Variants in MAGI1 observed in about 807,000 individuals in gnomAD.
The protein encoded by MAGI1 is membrane associated guanylate kinase, WW and PDZ domain containing 1, also known as membrane-associated guanylate kinase, WW and PDZ domain-containing protein 1.
MAGI1 carries 58 observed loss-of-function variants against 139.9 expected under a neutral mutation model. The observed-to-expected ratio is 0.41, with a 90% CI of 0.34 to 0.52. The LOEUF (loss-of-function observed/expected upper bound fraction) is 0.52, where lower values mean the gene tolerates loss of function less well. Ranked by LOEUF, MAGI1 falls within the 20% of genes least tolerant of loss-of-function variation. The probability of loss-of-function intolerance (pLI) is 0.12; values close to 1 mark genes in which losing one functional copy is unlikely to be tolerated. For synonymous variants in MAGI1, 812 were observed against 737.9 expected, an observed-to-expected ratio of 1.10 and a Z score of -1.63; for missense variants, 1,874 against 1,901.6, an observed-to-expected ratio of 0.99 and a Z score of 0.27.
chr3:65,710,274 T>C (rs1214047437), intron 1 of MAGI1, among the ~76,000 whole-genome samples: 3 of 134,596 alleles, frequency 2.2e-5, no homozygotes, highest in Non-Finnish European at 4.7e-5. Flanking sequence ...CATTTCTTTT[T>C]TTTTTTTTTT....
At chr3:65,445,653 A>G (rs1467921562) in intron 7 of MAGI1, among the ~76,000 whole-genome samples, 1 of 152,186 alleles carries the variant, frequency 6.6e-6, no homozygotes, top group African/African-American at 2.4e-5. Context: ...CTATAATTCC[A>G]AAAGAAGGTT....
At chr3:65,664,225 G>GA (rs2086372765) in intron 1 of MAGI1, among the ~76,000 whole-genome samples, 1 of 152,054 alleles carries the variant, frequency 6.6e-6, no homozygotes, top group African/African-American at 2.4e-5. Flanking sequence ...TGTATTTCAT[G>GA]AAAAACAAAA....
intron 1 of MAGI1, among the ~76,000 whole-genome samples, chr3:65,847,839 T>C (rs1321417771): frequency 6.6e-6 from 1 of 152,246 alleles, no homozygotes; most frequent in African/African-American, 2.4e-5. Flanking sequence ...CTAAGGAATT[T>C]GTCTCACGTC....
At chr3:65,619,586 C>T (rs2083560168) in intron 2 of MAGI1, among the ~76,000 whole-genome samples, 1 of 152,292 alleles carries the variant, frequency 6.6e-6, no homozygotes, top group Non-Finnish European at 1.5e-5. Flanking sequence ...ACAGTTACAT[C>T]ATCATCAAGA....
chr3:65,696,102 T>C (rs1047950122), intron 1 of MAGI1, among the ~76,000 whole-genome samples: 2 of 152,306 alleles, frequency 1.3e-5, no homozygotes, highest in Admixed American at 1.3e-4. Flanking sequence ...CTGGCGTCTT[T>C]ACTATTCTAC....
chr3:65,453,408 C>G, intron 5 of MAGI1, 68 bp from the exon 6 acceptor site: 8 of 1,104,280 alleles, frequency 7.2e-6, no homozygotes, highest in African/African-American at 1.6e-5. Flanking sequence ...AGCCCAATGA[C>G]GGAATTACAC....
At chr3:65,625,675 G>A (rs557655785) in intron 1 of MAGI1, among the ~76,000 whole-genome samples, 16 of 152,274 alleles carry the variant, frequency 1.1e-4, no homozygotes, top group African/African-American at 3.8e-4. Flanking sequence ...CGATTATTGA[G>A]GTGAGGGGGC....
intron 1 of MAGI1, among the ~76,000 whole-genome samples, chr3:65,852,094 C>A (rs1030312659): frequency 1.3e-5 from 2 of 152,280 alleles, no homozygotes; most frequent in East Asian, 3.9e-4. Flanking sequence ...ACTTGTCAAA[C>A]CAGGAAGATA....
chr3:65,933,498 A>G (rs2062900067), intron 1 of MAGI1, among the ~76,000 whole-genome samples: 1 of 152,228 alleles, frequency 6.6e-6, no homozygotes, highest in South Asian at 2.1e-4. Context: ...CCAAGAAAGC[A>G]AGGCAGAAGC....
At chr3:65,606,830 G>A (rs529184973) in intron 2 of MAGI1, among the ~76,000 whole-genome samples, 1 of 151,908 alleles carries the variant, frequency 6.6e-6, no homozygotes, top group Non-Finnish European at 1.5e-5. Flanking sequence ...GCTAATTTTT[G>A]TATTTTTTGT....
chr3:65,474,696 GA>G (rs1950767196), intron 4 of MAGI1, among the ~76,000 whole-genome samples: 1 of 152,058 alleles, frequency 6.6e-6, no homozygotes, highest in Non-Finnish European at 1.5e-5. Context: ...CCAAGTCAAA[GA>G]AGATTTCTGA....
chr3:65,728,633 C>A (rs980143999), intron 1 of MAGI1, among the ~76,000 whole-genome samples: 1 of 152,142 alleles, frequency 6.6e-6, no homozygotes, highest in Non-Finnish European at 1.5e-5. Context: ...AGCAGGTGTT[C>A]TGTGGCACAG....
chr3:65,921,080 G>A (rs547502876), intron 1 of MAGI1, among the ~76,000 whole-genome samples: 3 of 151,640 alleles, frequency 2.0e-5, no homozygotes, highest in East Asian at 3.9e-4. Flanking sequence ...TACAATTGAC[G>A]CTACTGCCAA....
At chr3:65,486,130 G>C (rs1951617592) in intron 3 of MAGI1, among the ~76,000 whole-genome samples, 1 of 152,102 alleles carries the variant, frequency 6.6e-6, no homozygotes, top group Non-Finnish European at 1.5e-5. Flanking sequence ...TTTTATCTCT[G>C]TGTCCCCAAA....
intron 13 of MAGI1, among the ~76,000 whole-genome samples, chr3:65,399,042 C>T (rs920278106): frequency 2.0e-5 from 3 of 151,972 alleles, no homozygotes; most frequent in Admixed American, 6.6e-5. Flanking sequence ...AGCTGCCAAT[C>T]ACATGAGCAA....
At chr3:65,689,974 G>T (rs1475328331) in intron 1 of MAGI1, among the ~76,000 whole-genome samples, 3 of 152,036 alleles carry the variant, frequency 2.0e-5, no homozygotes, top group African/African-American at 7.2e-5. Flanking sequence ...TCTGTATCCC[G>T]TGCCCCTTCC....
Position 65,364,919 on chromosome 3 carries a change from T to C in MAGI1, c.3224A>G (p.Asn1075Ser). Reference protein sequence around the residue: ...DESSNATLLTNAEKIATITTT... With the variant: ...DESSNATLLTSAEKIATITTT... ...GGTGATGGTGGCAATCTTCTCTGCA[T>C]TGGTCAGCAAGGTGGCATTCGAGGA... Residue 1075 changes from asparagine (N) to serine (S), a missense_variant, in exon 19 of 23, where the codon AAT becomes AGT. Transcript: ENST00000402939. 1.2e-6 allele frequency: 2 copies of C among 1,613,924 alleles called. No individual in the cohort carries two copies. The highest frequency in any genetic ancestry group is 2.2e-5 in the East Asian group (1 of 44,856).
At chr3:65,787,740 G>A (rs761747034) in intron 1 of MAGI1, among the ~76,000 whole-genome samples, 1 of 151,954 alleles carries the variant, frequency 6.6e-6, no homozygotes, top group Non-Finnish European at 1.5e-5. Context: ...GCCTTGGGTG[G>A]TTAAAAATAA....
chr3:65,632,208 G>T (rs953061770), intron 1 of MAGI1, among the ~76,000 whole-genome samples: 1 of 152,068 alleles, frequency 6.6e-6, no homozygotes, highest in Non-Finnish European at 1.5e-5. Context: ...AAAGGTTATG[G>T]CAGTTTCTAC....
Sources: allele counts gnomAD v4.1 joint callset (sites outside exome capture counted in the v4.1 genomes callset), GRCh38; gene constraint gnomAD v4.1.1; transcripts MANE v1.5; gene names NCBI Gene and HGNC (gene_info 2026-07-23, HGNC 2026-07-21).